Variants in CLEC1A observed in about 807,000 individuals in gnomAD.
CLEC1A encodes the protein C-type lectin-like receptor-1.
Under a neutral mutation model 28.7 loss-of-function variants are expected in CLEC1A, and 34 were observed. That is an observed-to-expected ratio of 1.18 (90% CI 0.90 to 1.57). CLEC1A has a LOEUF of 1.57. Ranked by LOEUF, CLEC1A falls within the 40% of genes most tolerant of loss-of-function variation. CLEC1A has a pLI of 0.00. For synonymous variants in CLEC1A, 116 were observed against 121.0 expected (o/e 0.96, Z 0.27); for missense variants, 385 against 339.5 (o/e 1.13, Z -1.05).
intron 4 of CLEC1A, 124 bp from the exon 5 acceptor site, chr12:10,073,535 A>C: frequency 8.8e-6 from 6 of 678,486 alleles, no homozygotes; most frequent in Non-Finnish European, 1.3e-5. Flanking sequence ...ATTGATGCTC[A>C]TATGCTTAAG....
intron 3 of CLEC1A, among the ~76,000 whole-genome samples, chr12:10,080,759 G>A (rs1359730890): frequency 6.6e-6 from 1 of 152,130 alleles, no homozygotes; most frequent in African/African-American, 2.4e-5. Flanking sequence ...ATCATCTGTG[G>A]TCCTTATTAA....
At chr12:10,078,856 G>A (rs1285891107) in intron 3 of CLEC1A, among the ~76,000 whole-genome samples, 1 of 152,038 alleles carries the variant, frequency 6.6e-6, no homozygotes, top group East Asian at 1.9e-4. Context: ...TGAGTCCCAG[G>A]AGAACTGAGT....
At chr12:10,072,950 C>A (rs1361011490) in intron 5 of CLEC1A, among the ~76,000 whole-genome samples, 1 of 152,088 alleles carries the variant, frequency 6.6e-6, no homozygotes, top group African/African-American at 2.4e-5. Flanking sequence ...TGTAGTGGTG[C>A]ACGCCTGTAG....
chr12:10,075,754 T>C (rs1866239859), intron 3 of CLEC1A, 99 bp from the exon 4 acceptor site: 2 of 1,010,854 alleles, frequency 2.0e-6, no homozygotes, highest in South Asian at 1.7e-5. Context: ...AAGAATTAAC[T>C]CTTCCTCAAT....
At chr12:10,093,373 GAA>G (rs3052137) in intron 1 of CLEC1A, among the ~76,000 whole-genome samples, 17 of 130,706 alleles carry the variant, frequency 1.3e-4, no homozygotes, top group African/African-American at 4.2e-4. Context: ...GATATATATA[GAA>G]AAAAAAAAAA....
At chr12:10,090,200 A>C (rs1223403915) in intron 1 of CLEC1A, among the ~76,000 whole-genome samples, 1 of 152,234 alleles carries the variant, frequency 6.6e-6, no homozygotes, top group Non-Finnish European at 1.5e-5. Flanking sequence ...CTGAAACAGA[A>C]AGATTAAAGA....
intron 1 of CLEC1A, among the ~76,000 whole-genome samples, chr12:10,096,596 A>G (rs1013852055): frequency 5.9e-5 from 9 of 152,076 alleles, no homozygotes; most frequent in African/African-American, 1.9e-4. Flanking sequence ...ACTATTGAAT[A>G]GAATTAAACT....
chr12:10,074,311 T>C (rs1866204349), intron 4 of CLEC1A, among the ~76,000 whole-genome samples: 1 of 152,156 alleles, frequency 6.6e-6, no homozygotes, highest in Non-Finnish European at 1.5e-5. Context: ...TGAGAGATTA[T>C]TGAAAATGTA....
intron 3 of CLEC1A, among the ~76,000 whole-genome samples, chr12:10,080,839 G>A (rs1453512787): frequency 9.2e-5 from 14 of 152,100 alleles, no homozygotes; most frequent in Admixed American, 6.6e-4. Context: ...CAGGTTATCT[G>A]CATTTTCAGA....
chr12:10,080,360 T>C (rs970077125), intron 3 of CLEC1A, among the ~76,000 whole-genome samples: 1 of 151,930 alleles, frequency 6.6e-6, no homozygotes, highest in Non-Finnish European at 1.5e-5. Context: ...AATAAGGACA[T>C]TATGACCATT....
chr12:10,071,566 A>C, intron 5 of CLEC1A, 53 bp from the exon 6 acceptor site: 1 of 1,360,032 alleles, frequency 7.4e-7, no homozygotes, highest in Non-Finnish European at 1.0e-6. Flanking sequence ...CTAAAATAAA[A>C]TATTAAATAC....
chr12:10,089,043 AAACAAATCCAT>A (rs1866558272), intron 2 of CLEC1A, 70 bp downstream of exon 2: 2 of 1,122,356 alleles, frequency 1.8e-6, no homozygotes, highest in Non-Finnish European at 2.7e-6. Context: ...AAAGTTTAAA[AAACAAATCCAT>A]AACAAGTGTT....
chr12:10,098,581 T>C (rs2137381655), intron 1 of CLEC1A, among the ~76,000 whole-genome samples: 1 of 152,284 alleles, frequency 6.6e-6, no homozygotes, highest in South Asian at 2.1e-4. Context: ...AGTCATATTT[T>C]AGCTTTAGAT....
chr12:10,088,815 T>C (rs1866554359), intron 2 of CLEC1A, among the ~76,000 whole-genome samples: 1 of 152,106 alleles, frequency 6.6e-6, no homozygotes, highest in Non-Finnish European at 1.5e-5. Context: ...TAGTCTTTTG[T>C]GGAATGGGAG....
intron 3 of CLEC1A, 43 bp downstream of exon 3, chr12:10,081,194 G>A: frequency 2.1e-6 from 3 of 1,461,884 alleles, no homozygotes; most frequent in Non-Finnish European, 2.7e-6. Context: ...CCATCTCTCT[G>A]TTTCCAGACA....
chr12:10,096,935 TGTAC>T (rs1947785004), intron 1 of CLEC1A, among the ~76,000 whole-genome samples: 1 of 152,160 alleles, frequency 6.6e-6, no homozygotes, highest in South Asian at 2.1e-4. Context: ...AGCTCTCGGC[TGTAC>T]TGTACATGCT....
intron 1 of CLEC1A, among the ~76,000 whole-genome samples, chr12:10,097,192 C>T (rs555131877): frequency 7.9e-5 from 12 of 152,238 alleles, no homozygotes; most frequent in Admixed American, 2.6e-4. Flanking sequence ...ATAGTTGTTA[C>T]GTCAATTGTT....
At chr12:10,098,051 C>T (rs932223279) in intron 1 of CLEC1A, among the ~76,000 whole-genome samples, 1 of 80,094 alleles carries the variant, frequency 1.2e-5, no homozygotes, top group Non-Finnish European at 2.7e-5. Context: ...AAATAAGGAA[C>T]AGGATAGTTT....
intron 4 of CLEC1A, among the ~76,000 whole-genome samples, chr12:10,075,281 G>C (rs1866225707): frequency 1.3e-5 from 2 of 152,144 alleles, no homozygotes; most frequent in South Asian, 4.1e-4. Context: ...ATTTTAAAGT[G>C]ATATTGCTCA....
Sources: gnomAD v4.1 joint callset for allele counts (sites outside exome capture counted in the v4.1 genomes callset) on GRCh38, gnomAD v4.1.1 for gene constraint, MANE v1.5 for transcripts, NCBI Gene and HGNC (gene_info 2026-07-23, HGNC 2026-07-21) for gene names.